SH3KBP1: variants seen among roughly 807,000 people sequenced by gnomAD.
SH3KBP1 encodes SH3 domain containing kinase binding protein 1.
Under a neutral mutation model 50.1 loss-of-function variants are expected in SH3KBP1, and 8 were observed. That is an observed-to-expected ratio of 0.16 (90% confidence interval 0.09 to 0.29). The LOEUF is 0.29. Among genes scored for constraint, SH3KBP1 ranks in the 10% least tolerant of loss-of-function variants. The pLI is 1.00. For synonymous variants in SH3KBP1, 227 were observed against 218.6 expected, an observed-to-expected ratio of 1.04 and a Z score of -0.34; for missense variants, 377 against 535.2, an observed-to-expected ratio of 0.70 and a Z score of 2.92.
intron 7 of SH3KBP1, among the ~76,000 whole-genome samples, chrX:19,638,122 A>C (rs1406198058): frequency 9.9e-6 from 1 of 100,791 alleles, no homozygotes; most frequent in Non-Finnish European, 2.0e-5. Flanking sequence ...AACAAAAAAA[A>C]ACAAAAGGCC....
chrX:19,582,863 G>T, intron 12 of SH3KBP1, among the ~76,000 whole-genome samples: 1 of 111,160 alleles, frequency 9.0e-6, no homozygotes, highest in Non-Finnish European at 1.9e-5. Flanking sequence ...AGTTTGGGAG[G>T]ATTAACAAGC....
In SH3KBP1 at chrX:19,701,676, G is replaced by A. The variant is rs142887580; in HGVS notation, c.390+5205C>T. ...CTATTTTTAAATTCCTCTCTCGTTC[G>A]TCAATGCCATCATTTGCCACTCTGG... On this transcript the variant is annotated intron_variant, in intron 4 of 17. Transcript: ENST00000397821. Among the ~76,000 whole-genome samples the A allele has an allele frequency of 8.3e-4, 93 of 111,674 alleles. No individual in the cohort carries two copies. The East Asian group carries it at 0.018, about 21-fold the overall frequency.
intron 12 of SH3KBP1, among the ~76,000 whole-genome samples, chrX:19,582,226 G>A (rs1346520025): frequency 1.8e-5 from 2 of 112,177 alleles, no homozygotes; most frequent in Admixed American, 1.9e-4. Flanking sequence ...CAAAGCAAAA[G>A]CTGTTAATTC....
chrX:19,701,146 A>C (rs7878386), intron 4 of SH3KBP1, among the ~76,000 whole-genome samples: 18,656 of 111,129 alleles, frequency 0.17, 1,300 homozygotes, highest in African/African-American at 0.22. Flanking sequence ...CTTCAAAAAC[A>C]GCCACAGGTC....
At chrX:19,739,374 T>C (rs2064702576) in intron 3 of SH3KBP1, among the ~76,000 whole-genome samples, 1 of 111,742 alleles carries the variant, frequency 8.9e-6, no homozygotes, top group Non-Finnish European at 1.9e-5. Context: ...CTGCTGACAA[T>C]TGAAAACAAC....
chrX:19,703,696 C>CTGTGTGTGTGTG (rs56915755), intron 4 of SH3KBP1, among the ~76,000 whole-genome samples: 7 of 63,500 alleles, frequency 1.1e-4, no homozygotes, highest in East Asian at 5.6e-4. Flanking sequence ...AAAAGAGAAA[C>CTGTGTGTGTGTG]TGTGTGTGTG....
At chrX:19,856,951 C>CTTTTTGT (rs2068660848) in intron 1 of SH3KBP1, among the ~76,000 whole-genome samples, 1 of 20,040 alleles carries the variant, frequency 5.0e-5, no homozygotes, top group Non-Finnish European at 1.0e-4. Context: ...TAATACTAGT[C>CTTTTTGT]TTTTTTTTTT....
chrX:19,572,398 TTA>T (rs996035595), intron 12 of SH3KBP1, among the ~76,000 whole-genome samples: 14 of 90,619 alleles, frequency 1.5e-4, no homozygotes, highest in Admixed American at 1.3e-3. Flanking sequence ...CATACATATG[TTA>T]TATATAGTAC....
At chrX:19,700,248 G>T (rs1426676521) in intron 4 of SH3KBP1, among the ~76,000 whole-genome samples, 1 of 111,744 alleles carries the variant, frequency 8.9e-6, no homozygotes, top group Non-Finnish European at 1.9e-5. Context: ...TTTTTTTCAG[G>T]AGTAACTAAA....
Position 19,542,183 on chromosome X carries a change from T to C in SH3KBP1, c.1634A>G (p.Asn545Ser), listed in dbSNP as rs767986829. 16 of 1,176,286 alleles carry C rather than the reference T, an allele frequency of 1.4e-5. No individual in the cohort carries two copies. The highest frequency in any genetic ancestry group is 1.8e-5 in the African/African-American group (1 of 56,156). Residue 545 changes from asparagine (N) to serine (S), a missense_variant, in exon 16 of 18, where the codon AAC becomes AGC. Physicochemically the swap from Asn to Ser is conservative, Grantham distance 46. Around this residue, in one of 3 missense-constraint regions of SH3KBP1, gnomAD observed 110 missense variants for 124.1 expected, o/e 0.89. Transcript: ENST00000397821. ...KTVTISQVSDNKASLPPKPGT... is the reference protein window; with the variant it reads ...KTVTISQVSDSKASLPPKPGT... ...CGGCTTGGGCGGCAGGGATGCTTTG[T>C]TGTCAGACACCTGTGACGAGGGAAG...
At chrX:19,834,798 G>C (rs1395513162) in intron 2 of SH3KBP1, among the ~76,000 whole-genome samples, 2 of 111,245 alleles carry the variant, frequency 1.8e-5, no homozygotes, top group African/African-American at 6.5e-5. Flanking sequence ...GGGAGGCTGA[G>C]GTGGGCGGAT....
intron 1 of SH3KBP1, among the ~76,000 whole-genome samples, chrX:19,885,334 AACT>A (rs2069558021): frequency 9.0e-6 from 1 of 111,658 alleles, no homozygotes; most frequent in Admixed American, 9.5e-5. Flanking sequence ...TTTAGCCACA[AACT>A]ACTATAAGCA....
At chrX:19,695,001 C>T in intron 5 of SH3KBP1, 1 of 1,199,399 alleles carries the variant, frequency 8.3e-7, no homozygotes, top group Non-Finnish European at 1.1e-6. Context: ...TGACCTTTTG[C>T]TCCGTGAGCT....
chrX:19,792,277 T>C (rs2066554272), intron 2 of SH3KBP1, among the ~76,000 whole-genome samples: 1 of 111,702 alleles, frequency 9.0e-6, no homozygotes, highest in African/African-American at 3.3e-5. Flanking sequence ...ATGGCTCTAT[T>C]TGGAAAATTA....
intron 2 of SH3KBP1, among the ~76,000 whole-genome samples, chrX:19,754,654 A>G (rs1489632720): frequency 9.0e-6 from 1 of 111,558 alleles, no homozygotes; most frequent in Non-Finnish European, 1.9e-5. Context: ...TTTTTAGTAA[A>G]GACCCAGTTT....
At chrX:19,552,880 A>G (rs2065281885) in intron 13 of SH3KBP1, among the ~76,000 whole-genome samples, 1 of 108,797 alleles carries the variant, frequency 9.2e-6, no homozygotes, top group Non-Finnish European at 1.9e-5. Flanking sequence ...GGGAGTGAGG[A>G]TTTGGCCAAG....
intron 8 of SH3KBP1, among the ~76,000 whole-genome samples, chrX:19,613,630 ATGATGTTT>A (rs1320469009): frequency 8.9e-6 from 1 of 112,890 alleles, no homozygotes; most frequent in African/African-American, 3.2e-5. Flanking sequence ...TAAAATGCAA[ATGATGTTT>A]TTCCTTTTAA....
At chrX:19,882,597 G>C (rs768090912) in intron 1 of SH3KBP1, among the ~76,000 whole-genome samples, 17 of 112,006 alleles carry the variant, frequency 1.5e-4, no homozygotes. Flanking sequence ...TGCTGACTTC[G>C]TGATTGTCGC....
At chrX:19,644,381 T>C (rs2061942308) in intron 7 of SH3KBP1, among the ~76,000 whole-genome samples, 1 of 112,371 alleles carries the variant, frequency 8.9e-6, no homozygotes, top group African/African-American at 3.2e-5. Context: ...TGTAACTCAA[T>C]GGATAAATGC....
Sources: allele counts gnomAD v4.1 joint callset (sites outside exome capture counted in the v4.1 genomes callset), GRCh38; gene constraint gnomAD v4.1.1; regional missense constraint gnomAD v4.1.1; transcripts MANE v1.5; gene names NCBI Gene and HGNC (gene_info 2026-07-23, HGNC 2026-07-21).